The following CUBN variants were observed in gnomAD, a reference collection of about 807,000 sequenced individuals.
The protein encoded by CUBN is 460 kDa receptor.
A neutral mutation model predicts 405.3 loss-of-function variants in CUBN; 282 were observed. The ratio of observed to expected loss-of-function variants is 0.70; its 90% CI spans 0.63 to 0.77. CUBN has a LOEUF of 0.77. Among genes scored for constraint, CUBN ranks in the 30% least tolerant of loss-of-function variants. CUBN has a pLI of 0.00. For synonymous variants in CUBN, 1,684 were observed against 1,617.0 expected, an observed-to-expected ratio of 1.04 and a Z score of -0.99; for missense variants, 4,514 against 4,475.2, an observed-to-expected ratio of 1.01 and a Z score of -0.25.
intron 31 of CUBN, among the ~76,000 whole-genome samples, chr10:16,973,951 C>T (rs150203689): frequency 1.8e-4 from 27 of 152,208 alleles, no homozygotes; most frequent in Middle Eastern, 3.4e-3. Context: ...GCGATGAACA[C>T]GGGCATGCAT....
chr10:17,058,714 T>C (rs1023448998), intron 22 of CUBN, among the ~76,000 whole-genome samples: 1 of 152,094 alleles, frequency 6.6e-6, no homozygotes, highest in Non-Finnish European at 1.5e-5. Flanking sequence ...CTTGACAATA[T>C]AAATGGCTCC....
At chr10:17,057,218 A>G (rs1406166398) in intron 22 of CUBN, among the ~76,000 whole-genome samples, 2 of 152,156 alleles carry the variant, frequency 1.3e-5, no homozygotes, top group Non-Finnish European at 2.9e-5. Context: ...GCTCCTGCAG[A>G]GCAGGGCTAC....
At chr10:16,968,165 C>T (rs1335078070) in intron 31 of CUBN, among the ~76,000 whole-genome samples, 1 of 152,108 alleles carries the variant, frequency 6.6e-6, no homozygotes, top group Non-Finnish European at 1.5e-5. Context: ...CTTTGGAAAC[C>T]ATCAGTGTTT....
At chr10:16,967,701 G>A (rs1843430435) in intron 31 of CUBN, among the ~76,000 whole-genome samples, 1 of 151,548 alleles carries the variant, frequency 6.6e-6, no homozygotes, top group South Asian at 2.1e-4. Flanking sequence ...ACAGGGAGGA[G>A]AGAGAGAAAG....
intron 65 of CUBN, among the ~76,000 whole-genome samples, chr10:16,830,769 T>G (rs1322514433): frequency 6.6e-6 from 1 of 152,214 alleles, no homozygotes; most frequent in Non-Finnish European, 1.5e-5. Context: ...TATATATTCT[T>G]TTATAAACAG....
chr10:16,940,193 A>G lies in CUBN; in HGVS notation c.5387T>C (p.Val1796Ala), dbSNP rs1347845858. The G allele has an allele frequency of 3.1e-6, 5 of 1,614,162 alleles. No individual in the cohort carries two copies. Among genetic ancestry groups the G allele is most frequent in the African/African-American group, 1.3e-5 (1 of 75,050 alleles). Residue 1796 changes from valine to alanine, a missense_variant, in exon 37 of 67, where the codon GTG becomes GCG. Val to Ala is a moderately conservative substitution (Grantham distance 64, BLOSUM62 0). Coordinates refer to ENST00000377833, the MANE Select transcript of CUBN (RefSeq NM_001081.4). The stretch of plus-strand genomic sequence containing the variant: ...CGTGGCATTTCCTTCACGGATCTCC[A>G]CAAAATCTCTGCTGCAGTCCTGAGA... Reference protein sequence around the residue: ...EDSQDCSRDFVEIREGNATGH... With the variant: ...EDSQDCSRDFAEIREGNATGH...
intron 7 of CUBN, among the ~76,000 whole-genome samples, chr10:17,115,087 T>C (rs1197510833): frequency 6.6e-6 from 1 of 151,820 alleles, no homozygotes; most frequent in Non-Finnish European, 1.5e-5. Context: ...CTACTAAAAA[T>C]ACCAAAATTA....
At chr10:16,948,342 A>T in intron 35 of CUBN, 136 bp downstream of exon 35, 1 of 1,063,386 alleles carries the variant, frequency 9.4e-7, no homozygotes, top group Non-Finnish European at 1.4e-6. Context: ...CTTAATTGGG[A>T]AGAAGGTAAG....
At chr10:16,990,281 C>CCT in intron 29 of CUBN, 53 bp downstream of exon 29, 1 of 1,549,634 alleles carries the variant, frequency 6.5e-7, no homozygotes, top group Non-Finnish European at 8.9e-7. Flanking sequence ...AGAGTGATTT[C>CCT]CTGTTCTACC....
At chr10:16,951,199 A>T (rs1034097091) in intron 33 of CUBN, among the ~76,000 whole-genome samples, 10 of 152,090 alleles carry the variant, frequency 6.6e-5, no homozygotes, top group African/African-American at 2.4e-4. Flanking sequence ...TTCTTTATCT[A>T]CAGCTCAGTT....
intron 27 of CUBN, among the ~76,000 whole-genome samples, chr10:17,034,441 T>A: frequency 6.6e-6 from 1 of 152,268 alleles, no homozygotes; most frequent in African/African-American, 2.4e-5. Context: ...GTTAACAAGA[T>A]GCCTATTAAG....
intron 56 of CUBN, among the ~76,000 whole-genome samples, chr10:16,882,560 T>C (rs563750765): frequency 2.9e-4 from 44 of 152,164 alleles, no homozygotes; most frequent in Admixed American, 9.2e-4. Context: ...ATTCCACAAA[T>C]AGAATAAACT....
Position 17,071,874 on chromosome 10 carries a change from A to G in CUBN, c.2399T>C (p.Ile800Thr). The change falls in exon 18 of 67, where the codon ATA (isoleucine) becomes ACA (threonine). Residue 800 changes from isoleucine (I) to threonine (T), a missense_variant. Coordinates refer to ENST00000377833, the MANE Select transcript of CUBN (RefSeq NM_001081.4). ...ITNSVWIRFK[I>T]DASVEKASFR... Reference sequence around the variant, plus strand: ...ACTAGCTTTTTCAACAGAAGCATCTATTTTAAACCTGATCCAGACACTATT... The same window carrying G: ...ACTAGCTTTTTCAACAGAAGCATCTGTTTTAAACCTGATCCAGACACTATT... The G allele has an allele frequency of 1.9e-6, 3 of 1,613,348 alleles. No individual in the cohort carries two copies. Among genetic ancestry groups the G allele is most frequent in the Non-Finnish European group, 1.7e-6 (2 of 1,179,782 alleles).
At chr10:17,076,080 T>TAGA (rs1314581282) in intron 17 of CUBN, among the ~76,000 whole-genome samples, 2 of 152,216 alleles carry the variant, frequency 1.3e-5, no homozygotes, top group South Asian at 4.1e-4. Flanking sequence ...TTTCGCCCAT[T>TAGA]AGAAGATGAC....
At chr10:17,097,329 G>GA (rs1347010731) in intron 14 of CUBN, among the ~76,000 whole-genome samples, 1 of 151,832 alleles carries the variant, frequency 6.6e-6, no homozygotes, top group African/African-American at 2.4e-5. Context: ...AGTTTCTTGA[G>GA]AAAAAAATTG....
At chr10:16,922,801 T>C (rs1351379472) in intron 43 of CUBN, among the ~76,000 whole-genome samples, 1 of 152,082 alleles carries the variant, frequency 6.6e-6, no homozygotes, top group Non-Finnish European at 1.5e-5. Flanking sequence ...GTGTTTCTGT[T>C]CTGTGCATTC....
At chr10:16,974,581 C>T (rs1833036961) in intron 31 of CUBN, among the ~76,000 whole-genome samples, 1 of 152,086 alleles carries the variant, frequency 6.6e-6, no homozygotes, top group Non-Finnish European at 1.5e-5. Flanking sequence ...CCATGTTAGC[C>T]AGGATGGTCT....
At chr10:17,123,175 C>T (rs907841657) in intron 5 of CUBN, among the ~76,000 whole-genome samples, 2 of 152,108 alleles carry the variant, frequency 1.3e-5, no homozygotes, top group African/African-American at 4.8e-5. Flanking sequence ...GGTGCTACAT[C>T]TGGGAATACT....
At chr10:16,961,761 G>C (rs796163242) in intron 31 of CUBN, among the ~76,000 whole-genome samples, 9 of 141,342 alleles carry the variant, frequency 6.4e-5, no homozygotes, top group African/African-American at 2.5e-4. Flanking sequence ...GCCCAGGCTG[G>C]AGTGCAGTGG....
Sources: gnomAD v4.1 joint callset for allele counts (sites outside exome capture counted in the v4.1 genomes callset) on GRCh38, gnomAD v4.1.1 for gene constraint, MANE v1.5 for transcripts, NCBI Gene and HGNC (gene_info 2026-07-23, HGNC 2026-07-21) for gene names.